Variants in PACS1 observed in about 807,000 individuals in gnomAD.
PACS1 encodes phosphofurin acidic cluster sorting protein 1.
A neutral mutation model predicts 115.0 loss-of-function variants in PACS1; 24 were observed. The ratio of observed to expected loss-of-function variants is 0.21; its 90% CI spans 0.15 to 0.29. The LOEUF (loss-of-function observed/expected upper bound fraction) is 0.29. PACS1 is among the 10% of genes least tolerant of loss of function. PACS1 has a pLI of 1.00. For missense variants in PACS1, 838 were observed against 1,251.2 expected (o/e 0.67, Z 4.98); for synonymous variants, 453 against 504.5 (o/e 0.90, Z 1.37).
intron 1 of PACS1, among the ~76,000 whole-genome samples, chr11:66,149,915 A>G (rs1220401627): frequency 1.3e-5 from 2 of 151,892 alleles, no homozygotes; most frequent in Non-Finnish European, 2.9e-5. Context: ...ACACCTGGCT[A>G]ATTTTGTATT....
chr11:66,103,102 A>AT (rs1857958054), intron 1 of PACS1, among the ~76,000 whole-genome samples: 1 of 152,230 alleles, frequency 6.6e-6, no homozygotes, highest in African/African-American at 2.4e-5. Context: ...AAGTGCTGGG[A>AT]TTACAGGCAT....
At chr11:66,207,060 C>T (rs537095512) in intron 2 of PACS1, among the ~76,000 whole-genome samples, 71 of 152,312 alleles carry the variant, frequency 4.7e-4, no homozygotes, top group African/African-American at 1.6e-3. Flanking sequence ...CCACTGTTTC[C>T]CTTCACCAGT....
chr11:66,163,742 C>T (rs1220316442), intron 1 of PACS1, among the ~76,000 whole-genome samples: 1 of 152,072 alleles, frequency 6.6e-6, no homozygotes, highest in Admixed American at 6.6e-5. Context: ...TTTGTTTTCT[C>T]TTTCTGAGTG....
chr11:66,154,344 C>G (rs2134613988), intron 1 of PACS1, among the ~76,000 whole-genome samples: 1 of 152,162 alleles, frequency 6.6e-6, no homozygotes, highest in South Asian at 2.1e-4. Context: ...GAGGCTGAGG[C>G]AGGAGAATTG....
chr11:66,080,473 C>T (rs115716700), intron 1 of PACS1, among the ~76,000 whole-genome samples: 2,633 of 152,186 alleles, frequency 0.017, 73 homozygotes, highest in African/African-American at 0.06. Flanking sequence ...GTGACAGTTG[C>T]GCTGATGCTC....
Position 66,169,502 on chromosome 11 carries a change from C to T in PACS1, c.357-23984C>T, listed in dbSNP as rs1364195073. On this transcript the variant is annotated intron_variant, in intron 1 of 23. Coordinates refer to ENST00000320580, the MANE Select transcript of PACS1 (RefSeq NM_018026.4). Reference sequence around the variant, plus strand: ...GCAACCTCTGCCTCCCAGGTTCAAGCGATTCTCCTACCTCAGCCTCCTGAG... The same window carrying T: ...GCAACCTCTGCCTCCCAGGTTCAAGTGATTCTCCTACCTCAGCCTCCTGAG... Among the ~76,000 whole-genome samples the T allele has an allele frequency of 1.1e-4, 16 of 149,090 alleles. 4 individuals are homozygous for T. The highest frequency in any genetic ancestry group is 2.6e-4 in the African/African-American group (10 of 38,974).
chr11:66,117,317 T>A (rs771283005), intron 1 of PACS1, among the ~76,000 whole-genome samples: 36 of 151,906 alleles, frequency 2.4e-4, no homozygotes, highest in Admixed American at 1.5e-3. Flanking sequence ...AAACATTAGC[T>A]GGGCATGGTG....
At chr11:66,115,686 T>C (rs1470163733) in intron 1 of PACS1, among the ~76,000 whole-genome samples, 1 of 152,244 alleles carries the variant, frequency 6.6e-6, no homozygotes, top group Non-Finnish European at 1.5e-5. Flanking sequence ...CAAAATTGCC[T>C]TCCTGTTAGG....
chr11:66,127,803 A>C (rs1858615104), intron 1 of PACS1, among the ~76,000 whole-genome samples: 2 of 152,200 alleles, frequency 1.3e-5, no homozygotes, highest in Admixed American at 6.5e-5. Context: ...TACTTGAGGG[A>C]AAAGATGGTA....
chr11:66,208,352 T>C lies in PACS1; in HGVS notation c.445-2010T>C, dbSNP rs548411735. On this transcript the variant is annotated intron_variant, in intron 2 of 23. Coordinates refer to ENST00000320580, the MANE Select transcript of PACS1 (RefSeq NM_018026.4). ...TTATAAACAGGGATGAGTGTGGGGC[T>C]CAAATCTGTAATCCCAGCACTTTGG... is the stretch of plus-strand genomic sequence containing the variant. Among the ~76,000 whole-genome samples the C allele has an allele frequency of 2.0e-5, 3 of 152,078 alleles. No individual in the cohort carries two copies. In the South Asian group the frequency reaches 6.2e-4, roughly 32 times the overall value.
chr11:66,243,052 G>A (rs773031013), intron 23 of PACS1, 21 bp downstream of exon 23: 11 of 1,613,724 alleles, frequency 6.8e-6, no homozygotes, highest in African/African-American at 5.3e-5. Flanking sequence ...AGGCAGGGCC[G>A]GGAGGAGGGC....
chr11:66,176,415 AT>A (rs11424379), intron 1 of PACS1, among the ~76,000 whole-genome samples: 11 of 143,106 alleles, frequency 7.7e-5, no homozygotes, highest in Non-Finnish European at 6.0e-5. Flanking sequence ...TAAGATCCAG[AT>A]TTTTTTTTTT....
At position 66,202,342 on chromosome 11, in the gene PACS1, A is replaced by G. The variant is rs1854819869; in HGVS notation, c.445-8020A>G. 2.0e-5 allele frequency among the ~76,000 whole-genome samples: 3 copies of G among 152,216 alleles called. No homozygotes were observed. The South Asian group carries it at 6.2e-4, about 32-fold the overall frequency. On this transcript the variant is annotated intron_variant, in intron 2 of 23. Coordinates refer to ENST00000320580, the MANE Select transcript of PACS1 (RefSeq NM_018026.4). The stretch of plus-strand genomic sequence containing the variant: ...GTTTCAAAAAATAGAGAATAATTCC[A>G]GACTCAATCTATGAAACCAATATTC...
intron 1 of PACS1, among the ~76,000 whole-genome samples, chr11:66,095,946 A>C (rs926023834): frequency 6.7e-6 from 1 of 150,216 alleles, no homozygotes; most frequent in Non-Finnish European, 1.5e-5. Flanking sequence ...TTTTTTTTTA[A>C]ATTTTTGAGA....
chr11:66,216,729 TGAA>T lies in PACS1; in HGVS notation c.938_940del (p.Lys313del), dbSNP rs1855219716. On this transcript the variant is annotated inframe_deletion, in exon 7 of 24. Transcript: ENST00000320580. Reference sequence around the variant, plus strand: ...TACGAAGACGAAGATCTCCGGAAAGTGAAGAAGACCCGGAGGAAACTAACCTCA... The same window carrying T: ...TACGAAGACGAAGATCTCCGGAAAGTGAAGACCCGGAGGAAACTAACCTCA... 1.2e-6 allele frequency: 2 copies of T among 1,613,842 alleles called. No homozygotes were observed. The highest frequency in any genetic ancestry group is 1.3e-5 in the African/African-American group (1 of 74,846).
intron 2 of PACS1, among the ~76,000 whole-genome samples, chr11:66,209,037 C>G (rs994130648): frequency 8.6e-5 from 13 of 152,032 alleles, no homozygotes; most frequent in African/African-American, 2.9e-4. Flanking sequence ...CAAGACATAT[C>G]TTTGTCTCAT....
At position 66,236,304 on chromosome 11, in the gene PACS1, C is replaced by T. The variant is rs1316656935; in HGVS notation, c.2250+364C>T. ...TCACGAACTGTTCCTGGGTCCATCA[C>T]TGATGTCTCCTGTTTATTACACCAG... On this transcript the variant is annotated intron_variant, in intron 19 of 23. Coordinates refer to ENST00000320580, the MANE Select transcript of PACS1 (RefSeq NM_018026.4). The surrounding 1 kb of genome is among the most constrained non-coding windows in gnomAD (Gnocchi z 4.2). Among the ~76,000 whole-genome samples, 1 of 152,218 alleles carries T rather than the reference C, an allele frequency of 6.6e-6. No individual in the cohort carries two copies. The highest frequency in any genetic ancestry group is 2.4e-5 in the African/African-American group (1 of 41,454).
chr11:66,165,495 C>T (rs1175025599), intron 1 of PACS1, among the ~76,000 whole-genome samples: 2 of 152,140 alleles, frequency 1.3e-5, no homozygotes, highest in African/African-American at 4.8e-5. Flanking sequence ...CCGTTGAGAT[C>T]AAAACTCATA....
At chr11:66,156,255 GTTT>G (rs538990110) in intron 1 of PACS1, among the ~76,000 whole-genome samples, 2 of 69,578 alleles carry the variant, frequency 2.9e-5, no homozygotes, top group Admixed American at 1.6e-4. Context: ...TATATATATA[GTTT>G]TTTTTTTTTT....
Sources: gnomAD v4.1 joint callset for allele counts (sites outside exome capture counted in the v4.1 genomes callset) on GRCh38, gnomAD v4.1.1 for gene constraint, Gnocchi (gnomAD v3.1) non-coding constraint, MANE v1.5 for transcripts, NCBI Gene and HGNC (gene_info 2026-07-23, HGNC 2026-07-21) for gene names.